The following CAPN9 variants were observed in gnomAD, a reference collection of about 807,000 sequenced individuals.
CAPN9 encodes calpain 9.
CAPN9 carries 81 observed loss-of-function variants against 92.8 expected under a neutral mutation model. That is an observed-to-expected ratio of 0.87 (90% confidence interval 0.73 to 1.05). CAPN9 has a LOEUF of 1.05. CAPN9 is among the 50% of genes least tolerant of loss of function. The pLI, the probability that CAPN9 is intolerant of heterozygous loss-of-function variation, is 0.00. For synonymous variants in CAPN9, 304 were observed against 328.0 expected (o/e 0.93, Z 0.79); for missense variants, 848 against 866.2 (o/e 0.98, Z 0.26).
chr1:230,768,107 C>A (rs1666127652), intron 5 of CAPN9, among the ~76,000 whole-genome samples: 1 of 150,424 alleles, frequency 6.6e-6, no homozygotes, highest in Non-Finnish European at 1.5e-5. Context: ...AAGTTTTAAC[C>A]AAGCATGGTG....
At chr1:230,800,852 C>T (rs1668685166) in intron 19 of CAPN9, among the ~76,000 whole-genome samples, 1 of 152,136 alleles carries the variant, frequency 6.6e-6, no homozygotes, top group Non-Finnish European at 1.5e-5. Context: ...CTCCTTTTCC[C>T]CTGACCCATC....
rs199519223 is a variant in CAPN9, at chr1:230,791,919, C to T, written c.1713C>T (p.Ser571=). The change falls in exon 15 of 20, where the codon TCC becomes TCT. Residue 571 remains serine (S), a synonymous_variant. Transcript: ENST00000271971. ...TGATCTCCTGTAAAAACATCATTTC[C>T]CTGATGGACGTATCCTTCCAAATAT... is the stretch of plus-strand genomic sequence containing the variant. ...LSLISCKNII[S]LMDTSGNGKL... The T allele has an allele frequency of 6.2e-7, 1 of 1,611,098 alleles. No homozygotes were observed. The highest frequency in any genetic ancestry group is 2.2e-5 in the East Asian group (1 of 44,878).
At chr1:230,753,013 T>C (rs1289172269) in intron 1 of CAPN9, among the ~76,000 whole-genome samples, 1 of 152,168 alleles carries the variant, frequency 6.6e-6, no homozygotes, top group Non-Finnish European at 1.5e-5. Context: ...CAGAGCCACC[T>C]GCAAACTCCT....
intron 18 of CAPN9, 124 bp from the exon 19 acceptor site, chr1:230,798,038 T>C: frequency 1.4e-6 from 1 of 712,846 alleles, no homozygotes. Context: ...TGAAAGTCCT[T>C]GTTTACCACC....
intron 1 of CAPN9, among the ~76,000 whole-genome samples, chr1:230,751,578 A>G (rs1275428669): frequency 0.039 from 787 of 20,418 alleles, 20 homozygotes; most frequent in African/African-American, 0.15. Flanking sequence ...AAGAAAGAAG[A>G]AAGAAACAAA....
intron 8 of CAPN9, among the ~76,000 whole-genome samples, chr1:230,777,218 G>A (rs183355555): frequency 3.4e-4 from 51 of 152,204 alleles, no homozygotes; most frequent in African/African-American, 1.2e-3. Flanking sequence ...GGGAGAAGCC[G>A]GGCAGAGGAA....
chr1:230,785,389 C>G (rs1318106814), intron 11 of CAPN9, among the ~76,000 whole-genome samples: 2 of 152,152 alleles, frequency 1.3e-5, no homozygotes, highest in Non-Finnish European at 2.9e-5. Flanking sequence ...GTGTCCCCAC[C>G]AAATCTGATG....
At chr1:230,798,622 C>T (rs1309415007) in intron 19 of CAPN9, among the ~76,000 whole-genome samples, 1 of 152,146 alleles carries the variant, frequency 6.6e-6, no homozygotes, top group Non-Finnish European at 1.5e-5. Flanking sequence ...CATGACACTC[C>T]CCCAGACTCC....
chr1:230,766,447 T>C (rs186580517), intron 4 of CAPN9, among the ~76,000 whole-genome samples: 1 of 152,318 alleles, frequency 6.6e-6, no homozygotes. Context: ...ATAGCCCTAG[T>C]CTTACCAGGA....
intron 11 of CAPN9, among the ~76,000 whole-genome samples, chr1:230,781,031 A>G (rs1384049281): frequency 6.6e-6 from 1 of 151,774 alleles, no homozygotes; most frequent in Non-Finnish European, 1.5e-5. Flanking sequence ...ACACCTGGCT[A>G]ATTTTTTTTG....
chr1:230,778,929 C>T (rs1216129992), intron 8 of CAPN9, 44 bp from the exon 9 acceptor site: 3 of 1,541,922 alleles, frequency 1.9e-6, no homozygotes, highest in Non-Finnish European at 2.7e-6. Context: ...ATGATGCCCT[C>T]ACTCTTGCCC....
At chr1:230,772,469 G>C (rs190584975) in intron 7 of CAPN9, among the ~76,000 whole-genome samples, 1 of 146,206 alleles carries the variant, frequency 6.8e-6, no homozygotes, top group African/African-American at 2.5e-5. Context: ...GTGTGTGTTT[G>C]TGTGTGTGTG....
chr1:230,800,235 A>G (rs201041925), intron 19 of CAPN9, among the ~76,000 whole-genome samples: 3 of 35,846 alleles, frequency 8.4e-5, no homozygotes, highest in African/African-American at 3.7e-4. Flanking sequence ...AAGAAAGAAG[A>G]AAGAAAGAAA....
chr1:230,790,270 T>G (rs1667891536), intron 14 of CAPN9, 81 bp downstream of exon 14: 1 of 1,555,376 alleles, frequency 6.4e-7, no homozygotes, highest in South Asian at 1.2e-5. Context: ...TCCCTGCTCC[T>G]CCGAGCCGCA....
Position 230,799,650 on chromosome 1 carries a change from A to G in CAPN9, c.2046+1430A>G, listed in dbSNP as rs554847954. Among the ~76,000 whole-genome samples the G allele has an allele frequency of 2.0e-5, 3 of 152,332 alleles. No homozygotes were observed. The East Asian group carries it at 5.8e-4, about 29-fold the overall frequency. Reference sequence around the variant, plus strand: ...TTCTCTAGTTTTGTCTTTCAACTTCAGCATGTAGGACACATGTAATAACTA... The same window carrying G: ...TTCTCTAGTTTTGTCTTTCAACTTCGGCATGTAGGACACATGTAATAACTA... On this transcript the variant is annotated intron_variant, in intron 19 of 19. Transcript: ENST00000271971.
chr1:230,748,959 C>A (rs1034299824), intron 1 of CAPN9, among the ~76,000 whole-genome samples: 6 of 152,068 alleles, frequency 3.9e-5, no homozygotes, highest in Non-Finnish European at 7.3e-5. Flanking sequence ...TGTGTGCACG[C>A]ACTTGTGTGT....
chr1:230,780,317 T>A lies in CAPN9; in HGVS notation c.1253T>A (p.Ile418Asn), dbSNP rs1374471754. 1.2e-6 allele frequency: 2 copies of A among 1,614,064 alleles called. No individual in the cohort carries two copies. Among genetic ancestry groups the A allele is most frequent in the East Asian group, 2.2e-5 (1 of 44,882 alleles). Residue 418 changes from isoleucine to asparagine, a missense_variant, in exon 10 of 20, where the codon ATC (isoleucine) becomes AAC (asparagine). Ile to Asn is a moderately radical substitution (Grantham distance 149). Coordinates refer to ENST00000271971, the MANE Select transcript of CAPN9 (RefSeq NM_006615.3). ...AGATTTGGTGCCAATGTGCTGACAA[T>A]CGGCTATGCCATTTATGAGGTAGGT... The part of the protein sequence containing the change: ...LKRFGANVLT[I>N]GYAIYECPDK...
intron 18 of CAPN9, among the ~76,000 whole-genome samples, chr1:230,796,741 G>A (rs943760321): frequency 1.3e-5 from 2 of 152,130 alleles, no homozygotes; most frequent in South Asian, 4.1e-4. Context: ...TAGAAATAAT[G>A]AGATTTGCTA....
chr1:230,753,765 AC>A (rs1665013626), intron 1 of CAPN9, among the ~76,000 whole-genome samples: 1 of 150,530 alleles, frequency 6.6e-6, no homozygotes, highest in African/African-American at 2.5e-5. Flanking sequence ...TTAACTCACC[AC>A]CCCTGCAGGG....
Sources: allele counts gnomAD v4.1 joint callset (sites outside exome capture counted in the v4.1 genomes callset), GRCh38; gene constraint gnomAD v4.1.1; transcripts MANE v1.5; gene names NCBI Gene and HGNC (gene_info 2026-07-23, HGNC 2026-07-21).